Variants in RBFOX1 observed in about 807,000 individuals in gnomAD.
RBFOX1 encodes the protein RNA binding fox-1 homolog 1.
Under a neutral mutation model 57.7 loss-of-function variants are expected in RBFOX1, and 8 were observed. The observed-to-expected ratio is 0.14, with a 90% CI of 0.08 to 0.25. The LOEUF is 0.25. RBFOX1 is among the 10% of genes least tolerant of loss of function. The probability of loss-of-function intolerance (pLI) is 1.00; values close to 1 mark genes in which losing one functional copy is unlikely to be tolerated. For synonymous variants in RBFOX1, 326 were observed against 222.4 expected (o/e 1.47, Z -4.15); for missense variants, 611 against 548.5 (o/e 1.11, Z -1.14).
chr16:6,033,675 A>T (rs1470569345), intron 1 of RBFOX1, among the ~76,000 whole-genome samples: 2 of 152,142 alleles, frequency 1.3e-5, no homozygotes, highest in Non-Finnish European at 2.9e-5. Flanking sequence ...ACATGCTTAC[A>T]TTATTTAATT....
intron 4 of RBFOX1, among the ~76,000 whole-genome samples, chr16:7,403,959 G>A (rs2098289069): frequency 6.7e-6 from 1 of 150,014 alleles, no homozygotes; most frequent in African/African-American, 2.4e-5. Flanking sequence ...GTTAATGGGT[G>A]CTTAAGTTGT....
chr16:6,865,882 T>C (rs929916042), intron 3 of RBFOX1, among the ~76,000 whole-genome samples: 1 of 152,220 alleles, frequency 6.6e-6, no homozygotes, highest in Non-Finnish European at 1.5e-5. Context: ...ACAAGTCTTT[T>C]GCCTTCTAAG....
rs568896173 is a variant in RBFOX1 at position 7,708,301 on chromosome 16, C to T, written c.996-755C>T. On this transcript the variant is annotated intron_variant, in intron 14 of 15. Transcript: ENST00000550418. ...GTAGGCATTCAGCACGTTTGGTTTC[C>T]ATCTCTTCTCCATTTTTATCCTAAA... Among the ~76,000 whole-genome samples the T allele has an allele frequency of 5.9e-5, 9 of 152,160 alleles. No homozygotes were observed. In the South Asian group the frequency reaches 1.9e-3, roughly 32 times the overall value.
At chr16:7,530,678 C>G (rs1050978413) in intron 5 of RBFOX1, among the ~76,000 whole-genome samples, 1 of 152,030 alleles carries the variant, frequency 6.6e-6, no homozygotes, top group Non-Finnish European at 1.5e-5. Flanking sequence ...CTTTGTATCC[C>G]CGAAGAATGT....
chr16:7,327,195 AAAGG>A (rs1242036585), intron 4 of RBFOX1, among the ~76,000 whole-genome samples: 1 of 152,218 alleles, frequency 6.6e-6, no homozygotes, highest in Non-Finnish European at 1.5e-5. Context: ...GATTGATCTA[AAAGG>A]AAGAAAGGAA....
At chr16:6,956,379 G>T (rs1358273059) in intron 3 of RBFOX1, among the ~76,000 whole-genome samples, 3 of 152,204 alleles carry the variant, frequency 2.0e-5, no homozygotes, top group Non-Finnish European at 2.9e-5. Context: ...TGTCAAGACT[G>T]GACTCAAGGG....
chr16:5,295,108 A>G (rs1361943898), intron 1 of RBFOX1, among the ~76,000 whole-genome samples: 3 of 150,524 alleles, frequency 2.0e-5, no homozygotes, highest in Non-Finnish European at 4.4e-5. Context: ...ATGTCCTGGC[A>G]TTTGTCAGAA....
At chr16:5,610,834 C>T (rs1596447215) in intron 3 of RBFOX1, among the ~76,000 whole-genome samples, 1 of 152,252 alleles carries the variant, frequency 6.6e-6, no homozygotes, top group South Asian at 2.1e-4. Flanking sequence ...CAGCACTGCA[C>T]TCCAGCCTGG....
At chr16:5,354,559 A>G (rs2065340716) in intron 1 of RBFOX1, among the ~76,000 whole-genome samples, 1 of 152,220 alleles carries the variant, frequency 6.6e-6, no homozygotes, top group South Asian at 2.1e-4. Context: ...GGGGATCAAT[A>G]CATTCTGGCT....
At chr16:6,176,099 A>T (rs1469484721) in intron 1 of RBFOX1, among the ~76,000 whole-genome samples, 3 of 152,038 alleles carry the variant, frequency 2.0e-5, no homozygotes, top group Non-Finnish European at 1.5e-5. Context: ...TAAGTCAGAG[A>T]GCCTGTTTCT....
chr16:5,902,572 T>G (rs2058331132), intron 4 of RBFOX1, among the ~76,000 whole-genome samples: 1 of 151,980 alleles, frequency 6.6e-6, no homozygotes, highest in East Asian at 1.9e-4. Flanking sequence ...CCTGCCACCA[T>G]GGCCAGCTGA....
At chr16:6,611,770 C>T (rs1168019526) in intron 2 of RBFOX1, among the ~76,000 whole-genome samples, 5 of 152,088 alleles carry the variant, frequency 3.3e-5, no homozygotes, top group African/African-American at 1.2e-4. Context: ...CAGAACTCAT[C>T]TTCCCCTTCT....
intron 14 of RBFOX1, among the ~76,000 whole-genome samples, chr16:7,696,937 G>A (rs11077214): frequency 3.0e-4 from 45 of 152,120 alleles, no homozygotes; most frequent in African/African-American, 1.0e-3. Context: ...AAGACATCCA[G>A]TGTGGCCCAC....
chr16:7,298,436 G>C (rs189802144), intron 4 of RBFOX1, among the ~76,000 whole-genome samples: 1 of 151,954 alleles, frequency 6.6e-6, no homozygotes, highest in Non-Finnish European at 1.5e-5. Flanking sequence ...CTACAGATGC[G>C]TGCGACTATG....
intron 3 of RBFOX1, among the ~76,000 whole-genome samples, chr16:7,037,046 A>C (rs1344365005): frequency 6.6e-6 from 1 of 152,100 alleles, no homozygotes; most frequent in African/African-American, 2.4e-5. Flanking sequence ...CAGTGAGGAC[A>C]ACCAGAGGTC....
chr16:6,527,168 G>A (rs1000244127), intron 2 of RBFOX1, among the ~76,000 whole-genome samples: 3 of 152,064 alleles, frequency 2.0e-5, no homozygotes, highest in African/African-American at 7.2e-5. Flanking sequence ...TATAAAAAGG[G>A]ATATAGGGAA....
At chr16:5,548,607 C>G (rs1361848739) in intron 2 of RBFOX1, among the ~76,000 whole-genome samples, 1 of 151,962 alleles carries the variant, frequency 6.6e-6, no homozygotes, top group Non-Finnish European at 1.5e-5. Context: ...ATCAAAACAT[C>G]TCATCTACCC....
chr16:6,198,723 A>G (rs568021436), intron 1 of RBFOX1, among the ~76,000 whole-genome samples: 1 of 152,280 alleles, frequency 6.6e-6, no homozygotes, highest in African/African-American at 2.4e-5. Context: ...TATTTTTGGA[A>G]CTAAAGTGTA....
intron 4 of RBFOX1, among the ~76,000 whole-genome samples, chr16:7,253,232 C>G (rs1041665830): frequency 1.3e-5 from 2 of 152,210 alleles, no homozygotes; most frequent in Non-Finnish European, 2.9e-5. Flanking sequence ...AGTGGCTTCA[C>G]CATTCACAGG....
Sources: gnomAD v4.1 joint callset for allele counts (sites outside exome capture counted in the v4.1 genomes callset) on GRCh38, gnomAD v4.1.1 for gene constraint, MANE v1.5 for transcripts, NCBI Gene and HGNC (gene_info 2026-07-23, HGNC 2026-07-21) for gene names.